KMT2E: variants seen among roughly 807,000 people sequenced by gnomAD.
KMT2E encodes lysine methyltransferase 2E (inactive).
Under a neutral mutation model 184.6 loss-of-function variants are expected in KMT2E, and 30 were observed. The observed-to-expected ratio is 0.16, with a 90% CI of 0.12 to 0.22. The LOEUF (loss-of-function observed/expected upper bound fraction) is 0.22, where lower values mean the gene tolerates loss of function less well. Among genes scored for constraint, KMT2E ranks in the 10% least tolerant of loss-of-function variants. The pLI, the probability that KMT2E is intolerant of heterozygous loss-of-function variation, is 1.00. For missense variants in KMT2E, 2,023 were observed against 2,237.4 expected (o/e 0.90, Z 1.93); for synonymous variants, 815 against 776.5 (o/e 1.05, Z -0.82).
Position 105,107,659 on chromosome 7 carries a change from G to C in KMT2E, c.3202G>C (p.Val1068Leu). 1 of 1,614,118 alleles carries C rather than the reference G, an allele frequency of 6.2e-7. No individual in the cohort carries two copies. The change falls in exon 22 of 27, where the codon GTA becomes CTA. Residue 1068 changes from valine to leucine, a missense_variant. Transcript: ENST00000311117. ...SGRGTMYSSW[V>L]KSPDRTGVNF... ...ACGGGGCACAATGTATTCTTCCTGG[G>C]TAAAGAGCCCTGACAGAACAGGAGT...
chr7:105,033,943 C>G (rs1053106723), intron 1 of KMT2E, among the ~76,000 whole-genome samples: 10 of 152,032 alleles, frequency 6.6e-5, no homozygotes, highest in African/African-American at 2.4e-4. Context: ...TTTTAACAAC[C>G]CACTATCTCA....
intron 21 of KMT2E, 50 bp downstream of exon 21, chr7:105,107,272 A>G (rs1798947086): frequency 2.7e-6 from 4 of 1,501,822 alleles, no homozygotes; most frequent in Non-Finnish European, 3.6e-6. Flanking sequence ...TTCCTATTAC[A>G]TTGTTTTCCT....
At chr7:105,045,474 A>G (rs1177684687) in intron 3 of KMT2E, among the ~76,000 whole-genome samples, 4 of 152,170 alleles carry the variant, frequency 2.6e-5, no homozygotes, top group African/African-American at 9.7e-5. Context: ...CTAGTACCTC[A>G]TAACCTCTAT....
rs1426457401 is a variant in KMT2E, at chr7:105,077,528, T to C, written c.1130+95T>C. 4.4e-6 allele frequency: 4 copies of C among 905,390 alleles called. No individual in the cohort carries two copies. The Admixed American group carries it at 9.4e-5, about 21-fold the overall frequency. 56.1% of individuals were successfully genotyped at this position (905,390 alleles called of 1,614,324 possible). On this transcript the variant is annotated intron_variant, in intron 11 of 26. Coordinates refer to ENST00000311117, the MANE Select transcript of KMT2E (RefSeq NM_182931.3). ...ATGTTGTGATTATATGTACTTTTTT[T>C]CCTACATGATCATTTCAGTATTTAA...
chr7:105,031,656 G>A (rs1367496978), intron 1 of KMT2E, among the ~76,000 whole-genome samples: 2 of 151,918 alleles, frequency 1.3e-5, no homozygotes, highest in African/African-American at 2.4e-5. Context: ...GGAGGCTGAG[G>A]CAGGAGAATT....
At chr7:105,053,378 G>A (rs1796425994) in intron 3 of KMT2E, among the ~76,000 whole-genome samples, 1 of 151,994 alleles carries the variant, frequency 6.6e-6, no homozygotes, top group African/African-American at 2.4e-5. Flanking sequence ...TATTTTTTGA[G>A]TGATAGTATT....
intron 3 of KMT2E, among the ~76,000 whole-genome samples, chr7:105,059,878 A>G (rs1007343743): frequency 1.3e-5 from 2 of 151,514 alleles, no homozygotes; most frequent in African/African-American, 4.8e-5. Flanking sequence ...TACAATCAGC[A>G]TGTATTAATT....
Position 105,107,891 on chromosome 7 carries a change from A to T in KMT2E, c.3434A>T (p.Asn1145Ile). ...RTVNDNLIDG[N>I]CTPQNPPQKK... is the part of the protein sequence containing the mutation. ...GTTAATGACAATTTGATCGACGGGA[A>T]TTGCACACCCCAGAATCCACCACAA... is the stretch of plus-strand genomic sequence containing the variant. Residue 1145 changes from asparagine (N) to isoleucine (I), a missense_variant, in exon 22 of 27, where the codon AAT becomes ATT. This residue lies in a region of KMT2E where 1,108 missense variants were observed against 1,050.9 expected (regional missense o/e 1.05). Transcript: ENST00000311117. 1 of 1,613,548 alleles carries T rather than the reference A, an allele frequency of 6.2e-7. No homozygotes were observed. Among genetic ancestry groups the T allele is most frequent in the Non-Finnish European group, 8.5e-7 (1 of 1,179,764 alleles).
intron 22 of KMT2E, among the ~76,000 whole-genome samples, chr7:105,108,188 G>T (rs1483493475): frequency 6.6e-6 from 1 of 152,022 alleles, no homozygotes; most frequent in East Asian, 1.9e-4. Flanking sequence ...TTCACCAAAT[G>T]AGTATTTTTT....
intron 3 of KMT2E, among the ~76,000 whole-genome samples, chr7:105,047,209 G>T (rs1796143367): frequency 1.3e-5 from 2 of 152,234 alleles, no homozygotes; most frequent in African/African-American, 4.8e-5. Context: ...GTAGGCATCT[G>T]CCTAGAATGT....
intron 13 of KMT2E, among the ~76,000 whole-genome samples, chr7:105,088,162 G>C (rs888638130): frequency 2.0e-5 from 3 of 152,060 alleles, no homozygotes; most frequent in Admixed American, 2.0e-4. Context: ...TCAAATCCCG[G>C]CTTGGTCACT....
intron 6 of KMT2E, among the ~76,000 whole-genome samples, chr7:105,068,807 G>A (rs1394902376): frequency 4.0e-5 from 6 of 151,892 alleles, no homozygotes. Flanking sequence ...GTTCTCTTAA[G>A]ATATATTTCA....
At chr7:105,057,438 GT>G (rs957017683) in intron 3 of KMT2E, among the ~76,000 whole-genome samples, 8 of 151,702 alleles carry the variant, frequency 5.3e-5, no homozygotes, top group African/African-American at 1.9e-4. Flanking sequence ...TCTTTGAGTT[GT>G]TTTTTTTGTT....
intron 14 of KMT2E, 69 bp downstream of exon 14, chr7:105,090,342 CTTTG>C (rs1480128433): frequency 3.1e-5 from 46 of 1,492,552 alleles, no homozygotes; most frequent in Non-Finnish European, 3.8e-5. Context: ...TTATCCTCTT[CTTTG>C]TTCTATGTAT....
intron 7 of KMT2E, among the ~76,000 whole-genome samples, chr7:105,074,023 A>T (rs1292215145): frequency 6.6e-6 from 1 of 152,226 alleles, no homozygotes; most frequent in Non-Finnish European, 1.5e-5. Context: ...CATGTAGAAT[A>T]GTACATCTTT....
At position 105,090,019 on chromosome 7, in the gene KMT2E, G is replaced by A; in HGVS notation, c.1369G>A (p.Val457Met). ...TGGTTATCTTTCCAGTAAGTACAAG[G>A]TGGACTGTGCATGCCTCAAAGAAAA... Reference protein sequence around the residue: ...DFDYGNCKYKVDCACLKENPE... With the variant: ...DFDYGNCKYKMDCACLKENPE... Residue 457 changes from valine to methionine, a missense_variant, in exon 14 of 27, where the codon GTG becomes ATG. Val to Met is a conservative substitution (Grantham distance 21, BLOSUM62 1). Transcript: ENST00000311117. The A allele has an allele frequency of 6.2e-7, 1 of 1,609,872 alleles. No individual in the cohort carries two copies. The highest frequency in any genetic ancestry group is 8.5e-7 in the Non-Finnish European group (1 of 1,178,178).
At chr7:105,090,410 G>GC in intron 14 of KMT2E, 137 bp downstream of exon 14, 1 of 993,788 alleles carries the variant, frequency 1.0e-6, no homozygotes. Context: ...GTATTCATAA[G>GC]TGTAAAATAC....
intron 3 of KMT2E, among the ~76,000 whole-genome samples, chr7:105,057,543 C>T (rs1796616646): frequency 6.6e-6 from 1 of 152,108 alleles, no homozygotes; most frequent in Non-Finnish European, 1.5e-5. Context: ...TTGCCTGTCT[C>T]AGGTGATCCT....
intron 13 of KMT2E, among the ~76,000 whole-genome samples, chr7:105,086,814 A>T (rs1375479730): frequency 6.8e-6 from 1 of 147,286 alleles, no homozygotes; most frequent in Non-Finnish European, 1.5e-5. Context: ...TTATATATAA[A>T]ATATATATAC....
Sources: allele counts gnomAD v4.1 joint callset (sites outside exome capture counted in the v4.1 genomes callset), GRCh38; gene constraint gnomAD v4.1.1; regional missense constraint gnomAD v4.1.1; transcripts MANE v1.5; gene names NCBI Gene and HGNC (gene_info 2026-07-23, HGNC 2026-07-21).